The following FAM135A variants were observed in gnomAD, a reference collection of about 807,000 sequenced individuals.
FAM135A encodes protein FAM135A.
A neutral mutation model predicts 146.8 loss-of-function variants in FAM135A; 79 were observed. The observed-to-expected ratio is 0.54, with a 90% confidence interval of 0.45 to 0.65. The LOEUF (loss-of-function observed/expected upper bound fraction) is 0.65. FAM135A is among the 30% of genes least tolerant of loss of function. FAM135A has a pLI of 0.00. For synonymous variants in FAM135A, 562 were observed against 603.6 expected (o/e 0.93, Z 1.01); for missense variants, 1,623 against 1,758.2 (o/e 0.92, Z 1.38).
At chr6:70,452,285 A>G (rs563809378) in intron 4 of FAM135A, among the ~76,000 whole-genome samples, 5 of 152,034 alleles carry the variant, frequency 3.3e-5, no homozygotes, top group Admixed American at 2.0e-4. Context: ...TTATCTTTAT[A>G]TATACTGGGT....
intron 4 of FAM135A, among the ~76,000 whole-genome samples, chr6:70,441,222 C>T (rs183058305): frequency 1.1e-3 from 167 of 152,032 alleles, no homozygotes; most frequent in African/African-American, 3.8e-3. Flanking sequence ...TGTGAAAACC[C>T]GTCTCTACTA....
chr6:70,474,132 C>T (rs1782146306), intron 5 of FAM135A, among the ~76,000 whole-genome samples: 1 of 152,198 alleles, frequency 6.6e-6, no homozygotes, highest in African/African-American at 2.4e-5. Context: ...CGTTTGGACC[C>T]TGTGCTCCCT....
chr6:70,452,332 T>C (rs1240660482), intron 4 of FAM135A, among the ~76,000 whole-genome samples, 160 bp from the exon 5 acceptor site: 2 of 152,094 alleles, frequency 1.3e-5, no homozygotes, highest in Admixed American at 6.6e-5. Context: ...ATATTTGATA[T>C]GTAAGCCTGA....
intron 10 of FAM135A, 50 bp downstream of exon 10, chr6:70,482,204 AG>A: frequency 6.4e-7 from 1 of 1,557,400 alleles, no homozygotes. Context: ...CATTCTCTTC[AG>A]TCTTATATTG....
intron 19 of FAM135A, 91 bp from the exon 20 acceptor site, chr6:70,538,200 T>G: frequency 1.3e-6 from 1 of 771,504 alleles, no homozygotes; most frequent in Non-Finnish European, 1.8e-6. Context: ...AATGTCATCT[T>G]TTGAAGTGAA....
At chr6:70,507,437 A>G (rs570293952) in intron 12 of FAM135A, among the ~76,000 whole-genome samples, 20 of 152,296 alleles carry the variant, frequency 1.3e-4, no homozygotes, top group Non-Finnish European at 2.1e-4. Context: ...AGGCTGTCTG[A>G]TAACGAATTC....
At chr6:70,429,196 T>C (rs1770898778) in intron 4 of FAM135A, among the ~76,000 whole-genome samples, 1 of 152,030 alleles carries the variant, frequency 6.6e-6, no homozygotes, top group African/African-American at 2.4e-5. Context: ...GTGTTGGAAA[T>C]AGAAACGAAC....
chr6:70,522,441 C>G, intron 12 of FAM135A, 72 bp from the exon 13 acceptor site: 1 of 1,352,036 alleles, frequency 7.4e-7, no homozygotes, highest in Admixed American at 1.7e-5. Context: ...CAGTTTCTCT[C>G]CTTACCATAA....
At chr6:70,513,343 A>G (rs992642703) in intron 12 of FAM135A, 2 of 146,068 alleles carry the variant, frequency 1.4e-5, no homozygotes, top group African/African-American at 2.5e-5. Context: ...TCTGGTTTTT[A>G]TTGGAAAACC....
intron 20 of FAM135A, 28 bp downstream of exon 20, chr6:70,538,429 T>C: frequency 7.9e-7 from 1 of 1,269,774 alleles, no homozygotes; most frequent in South Asian, 2.3e-5. Context: ...GTTTGGAAAA[T>C]ATACATGTGA....
intron 12 of FAM135A, chr6:70,505,018 A>G (rs1273703433): frequency 6.6e-6 from 1 of 151,946 alleles, no homozygotes; most frequent in Non-Finnish European, 1.5e-5. Flanking sequence ...AGAATCACAA[A>G]TTAGCATTTT....
At chr6:70,544,728 G>A (rs1416653012) in intron 20 of FAM135A, among the ~76,000 whole-genome samples, 1 of 150,722 alleles carries the variant, frequency 6.6e-6, no homozygotes, top group East Asian at 2.0e-4. Context: ...GATAGAGCCA[G>A]ACTTTGTCTC....
intron 1 of FAM135A, 23 bp from the exon 2 acceptor site, chr6:70,415,268 A>G (rs1335107181): frequency 6.6e-6 from 1 of 152,214 alleles, no homozygotes; most frequent in Non-Finnish European, 1.5e-5. Flanking sequence ...AATTATGTTT[A>G]GTGAAGTTTG....
chr6:70,445,850 G>T (rs986238706), intron 4 of FAM135A, among the ~76,000 whole-genome samples: 1 of 148,818 alleles, frequency 6.7e-6, no homozygotes, highest in Middle Eastern at 3.2e-3. Flanking sequence ...GATTCGGGGC[G>T]GGGGGGGCTG....
intron 2 of FAM135A, among the ~76,000 whole-genome samples, chr6:70,423,628 C>T (rs1250236892): frequency 1.3e-5 from 2 of 152,184 alleles, no homozygotes; most frequent in East Asian, 1.9e-4. Context: ...ACATGTTTCA[C>T]TTCAGTTTAC....
At chr6:70,467,732 C>T (rs1780747066) in intron 5 of FAM135A, among the ~76,000 whole-genome samples, 1 of 151,762 alleles carries the variant, frequency 6.6e-6, no homozygotes, top group African/African-American at 2.4e-5. Context: ...TTCTTCTCTC[C>T]TTCCCTCTCT....
At chr6:70,494,063 A>G (rs1420324162) in intron 11 of FAM135A, among the ~76,000 whole-genome samples, 1 of 151,680 alleles carries the variant, frequency 6.6e-6, no homozygotes, top group African/African-American at 2.4e-5. Flanking sequence ...CAAAAAAAAA[A>G]AAAAAAAAAA....
At position 70,489,497 on chromosome 6, in the gene FAM135A, T is replaced by G. The variant is rs188089431; in HGVS notation, c.824-1537T>G. On this transcript the variant is annotated intron_variant, in intron 10 of 21. Coordinates refer to ENST00000418814, the MANE Select transcript of FAM135A (RefSeq NM_001162529.3). ...TTATGTTACCGGGTGGGGTACAGCG[T>G]CCTTGATTCTTGTTGAAGGAAGAAT... Among the ~76,000 whole-genome samples the G allele has an allele frequency of 7.9e-5, 12 of 152,298 alleles. No homozygotes were observed. In the East Asian group the frequency reaches 2.3e-3, roughly 29 times the overall value.
At chr6:70,551,040 T>C (rs1037616537) in intron 20 of FAM135A, among the ~76,000 whole-genome samples, 3 of 152,190 alleles carry the variant, frequency 2.0e-5, no homozygotes, top group African/African-American at 7.2e-5. Context: ...AGAGTTAGGG[T>C]CCTGCTCTGG....
Sources: allele counts gnomAD v4.1 joint callset (sites outside exome capture counted in the v4.1 genomes callset), GRCh38; gene constraint gnomAD v4.1.1; transcripts MANE v1.5; gene names NCBI Gene and HGNC (gene_info 2026-07-23, HGNC 2026-07-21).